Variants in ERC2 observed in about 807,000 individuals in gnomAD.
ERC2 encodes ERC protein 2.
In ERC2, 42 loss-of-function variants were observed where a neutral mutation model predicts 114.8. That is an observed-to-expected ratio of 0.37 (90% CI 0.29 to 0.47). The LOEUF (loss-of-function observed/expected upper bound fraction) is 0.47. ERC2 is among the 20% of genes least tolerant of loss of function. The pLI is 0.99. For missense variants in ERC2, 939 were observed against 1,150.7 expected (o/e 0.82, Z 2.66); for synonymous variants, 454 against 425.5 (o/e 1.07, Z -0.82).
chr3:55,946,804 T>A (rs1395973791), intron 13 of ERC2, among the ~76,000 whole-genome samples: 1 of 152,198 alleles, frequency 6.6e-6, no homozygotes, highest in Non-Finnish European at 1.5e-5. Flanking sequence ...AGAAGCTAAA[T>A]CAAGAACATT....
intron 7 of ERC2, among the ~76,000 whole-genome samples, chr3:56,074,927 C>A (rs2076901767): frequency 6.6e-6 from 1 of 152,154 alleles, no homozygotes; most frequent in South Asian, 2.1e-4. Context: ...TTGCTGAGCT[C>A]ATTTATTCAC....
chr3:56,170,603 T>TTTTTTTTTTTTTTTTG (rs2082601921), intron 4 of ERC2, among the ~76,000 whole-genome samples: 1 of 82,692 alleles, frequency 1.2e-5, no homozygotes, highest in African/African-American at 3.1e-5. Flanking sequence ...TTTTTTTTTT[T>TTTTTTTTTTTTTTTTG]TTTTTTTTTT....
At chr3:56,125,752 C>T (rs1334982728) in intron 6 of ERC2, among the ~76,000 whole-genome samples, 1 of 152,014 alleles carries the variant, frequency 6.6e-6, no homozygotes, top group African/African-American at 2.4e-5. Context: ...TTAGCTGAGT[C>T]GATAAAAGGT....
At chr3:56,151,593 G>A (rs987059119) in intron 4 of ERC2, among the ~76,000 whole-genome samples, 2 of 152,160 alleles carry the variant, frequency 1.3e-5, no homozygotes, top group Non-Finnish European at 2.9e-5. Flanking sequence ...TAAAAAGCAA[G>A]TAAAATGGCT....
intron 14 of ERC2, among the ~76,000 whole-genome samples, chr3:55,818,697 A>G (rs1178137017): frequency 2.0e-5 from 3 of 152,202 alleles, no homozygotes; most frequent in South Asian, 2.1e-4. Flanking sequence ...CGTGTGTGCA[A>G]TGTGACAAGG....
intron 13 of ERC2, among the ~76,000 whole-genome samples, chr3:55,932,370 G>A (rs1252789175): frequency 1.3e-5 from 2 of 151,972 alleles, no homozygotes; most frequent in East Asian, 3.9e-4. Context: ...TGCTTGCCTG[G>A]GGCTAAGTAT....
chr3:56,246,280 G>A (rs2051701990), intron 3 of ERC2, among the ~76,000 whole-genome samples: 1 of 151,864 alleles, frequency 6.6e-6, no homozygotes, highest in African/African-American at 2.4e-5. Context: ...GTTGTCGAGG[G>A]GCCTGCCCTG....
intron 2 of ERC2, among the ~76,000 whole-genome samples, chr3:56,394,097 C>G (rs1296970700): frequency 6.6e-6 from 1 of 152,164 alleles, no homozygotes; most frequent in Non-Finnish European, 1.5e-5. Context: ...GATGAACTTG[C>G]TTGTCCAAGG....
intron 2 of ERC2, among the ~76,000 whole-genome samples, chr3:56,328,279 T>C (rs763518147): frequency 1.3e-5 from 2 of 152,272 alleles, no homozygotes; most frequent in South Asian, 4.1e-4. Context: ...GCTGGGTTTG[T>C]ACCCTGGATG....
At chr3:55,648,164 T>C (rs2060472736) in intron 17 of ERC2, among the ~76,000 whole-genome samples, 1 of 152,244 alleles carries the variant, frequency 6.6e-6, no homozygotes, top group Non-Finnish European at 1.5e-5. Context: ...ACTCCTTTTA[T>C]CTTCATTTAT....
At chr3:56,163,754 G>A (rs998712763) in intron 4 of ERC2, among the ~76,000 whole-genome samples, 2 of 152,054 alleles carry the variant, frequency 1.3e-5, no homozygotes, top group Non-Finnish European at 2.9e-5. Flanking sequence ...GAGCCTATGT[G>A]TGTTGTTACA....
chr3:55,515,093 GAAGAA>G lies in ERC2; in HGVS notation c.*40-3822_*40-3818del, dbSNP rs201601043. Among the ~76,000 whole-genome samples the G allele has an allele frequency of 8.4e-3, 1,276 of 152,312 alleles. 11 individuals carry two copies. The highest frequency in any genetic ancestry group is 0.014 in the Non-Finnish European group (948 of 68,016). Reference sequence around the variant, plus strand: ...ATGAGAATGTAAACATTTGCACCATGAAGAAAAGGAACGGGGAACTGTGATAGGGA... The same window carrying G: ...ATGAGAATGTAAACATTTGCACCATGAAGGAACGGGGAACTGTGATAGGGA... On this transcript the variant is annotated intron_variant, in intron 17 of 17. Transcript: ENST00000288221.
At chr3:56,111,021 C>T (rs552243911) in intron 6 of ERC2, among the ~76,000 whole-genome samples, 8 of 152,020 alleles carry the variant, frequency 5.3e-5, no homozygotes, top group Non-Finnish European at 1.2e-4. Context: ...GTAGGGCCAC[C>T]GAGGGACAGT....
At chr3:55,822,626 G>A (rs1204254347) in intron 14 of ERC2, among the ~76,000 whole-genome samples, 2 of 144,684 alleles carry the variant, frequency 1.4e-5, no homozygotes, top group African/African-American at 5.2e-5. Flanking sequence ...GTGCAGTGGC[G>A]CAATCTTGGC....
intron 3 of ERC2, among the ~76,000 whole-genome samples, chr3:56,286,020 AAC>A (rs887283028): frequency 7.9e-5 from 12 of 152,178 alleles, no homozygotes; most frequent in Admixed American, 3.3e-4. Flanking sequence ...TCCTTCCCAA[AAC>A]ACACCACTCC....
intron 7 of ERC2, among the ~76,000 whole-genome samples, chr3:56,030,012 G>A (rs1382667509): frequency 1.3e-5 from 2 of 152,006 alleles, no homozygotes; most frequent in African/African-American, 4.8e-5. Flanking sequence ...GATATTTTGT[G>A]TTTTTCTTTT....
At chr3:55,800,394 G>A (rs62249350) in intron 14 of ERC2, among the ~76,000 whole-genome samples, 13,366 of 151,954 alleles carry the variant, frequency 0.088, 921 homozygotes, top group African/African-American at 0.19. Flanking sequence ...CACCTGCCTC[G>A]GCCTACCAAA....
chr3:56,410,768 T>C (rs891148097), intron 2 of ERC2, among the ~76,000 whole-genome samples: 1 of 152,108 alleles, frequency 6.6e-6, no homozygotes, highest in Non-Finnish European at 1.5e-5. Context: ...TATGTCTGCC[T>C]CTAGAGGCCT....
intron 17 of ERC2, among the ~76,000 whole-genome samples, chr3:55,574,792 C>G (rs1410447824): frequency 6.6e-6 from 1 of 152,188 alleles, no homozygotes; most frequent in African/African-American, 2.4e-5. Context: ...CCCATAAGTT[C>G]TCTTCAGTGA....
Sources: gnomAD v4.1 joint callset for allele counts (sites outside exome capture counted in the v4.1 genomes callset) on GRCh38, gnomAD v4.1.1 for gene constraint, MANE v1.5 for transcripts, NCBI Gene and HGNC (gene_info 2026-07-23, HGNC 2026-07-21) for gene names.